Variants in SLIT3 observed in about 807,000 individuals in gnomAD.
SLIT3 encodes the protein slit guidance ligand 3, also known as slit homolog 3 protein.
SLIT3 carries 68 observed loss-of-function variants against 184.0 expected under a neutral mutation model. That is an observed-to-expected ratio of 0.37 (90% CI 0.30 to 0.45). The LOEUF is 0.45. Among genes scored for constraint, SLIT3 ranks in the 20% least tolerant of loss-of-function variants. SLIT3 has a pLI of 1.00. For synonymous variants in SLIT3, 831 were observed against 828.6 expected (o/e 1.00, Z -0.05); for missense variants, 1,707 against 2,026.0 (o/e 0.84, Z 3.02).
At chr5:168,932,914 G>T (rs1295763099) in intron 4 of SLIT3, among the ~76,000 whole-genome samples, 1 of 152,190 alleles carries the variant, frequency 6.6e-6, no homozygotes, top group African/African-American at 2.4e-5. Context: ...AGCTCAGTCA[G>T]TAGCCACTAT....
At chr5:169,189,010 A>C (rs1321743676) in intron 4 of SLIT3, among the ~76,000 whole-genome samples, 7 of 152,178 alleles carry the variant, frequency 4.6e-5, no homozygotes, top group Admixed American at 4.6e-4. Flanking sequence ...GGCAGGGGAC[A>C]AATATTTATT....
At chr5:169,093,168 T>A (rs988599468) in intron 4 of SLIT3, among the ~76,000 whole-genome samples, 2 of 152,216 alleles carry the variant, frequency 1.3e-5, no homozygotes, top group African/African-American at 4.8e-5. Flanking sequence ...CAGCCAGATC[T>A]GGTGAGGTAA....
intron 4 of SLIT3, among the ~76,000 whole-genome samples, chr5:169,039,553 G>A (rs560448163): frequency 5.3e-5 from 8 of 152,144 alleles, no homozygotes; most frequent in South Asian, 4.2e-4. Flanking sequence ...TCCTGACCTC[G>A]TGATCCACCT....
chr5:169,114,248 C>T (rs531009899), intron 4 of SLIT3, among the ~76,000 whole-genome samples: 25 of 152,288 alleles, frequency 1.6e-4, no homozygotes, highest in Non-Finnish European at 2.2e-4. Flanking sequence ...AAGAAGGTCC[C>T]GGATGCCACG....
intron 4 of SLIT3, among the ~76,000 whole-genome samples, chr5:169,078,375 C>G (rs1229088213): frequency 6.6e-6 from 1 of 152,086 alleles, no homozygotes; most frequent in East Asian, 1.9e-4. Flanking sequence ...GCTGCCTTCA[C>G]AAATATATTT....
chr5:169,064,512 G>A (rs1758282571), intron 4 of SLIT3, among the ~76,000 whole-genome samples: 1 of 152,162 alleles, frequency 6.6e-6, no homozygotes, highest in Non-Finnish European at 1.5e-5. Flanking sequence ...ACTGAGGCCA[G>A]GGATGTAAAA....
intron 14 of SLIT3, among the ~76,000 whole-genome samples, chr5:168,763,577 C>T (rs778556900): frequency 3.0e-4 from 46 of 152,120 alleles, no homozygotes; most frequent in Non-Finnish European, 6.5e-4. Context: ...GCAAATCTCC[C>T]GAAGTTGCAC....
intron 6 of SLIT3, among the ~76,000 whole-genome samples, chr5:168,842,938 C>T (rs62378539): frequency 0.014 from 2,169 of 152,242 alleles, 22 homozygotes; most frequent in South Asian, 0.023. Flanking sequence ...ATTTTGCAGG[C>T]AGGGAAAATC....
intron 1 of SLIT3, among the ~76,000 whole-genome samples, chr5:169,298,415 T>C (rs1767579986): frequency 6.6e-6 from 1 of 151,976 alleles, no homozygotes; most frequent in Non-Finnish European, 1.5e-5. Context: ...CTGGCATGGG[T>C]GCGGTTCCTG....
chr5:169,200,089 C>G (rs980491900), intron 3 of SLIT3, among the ~76,000 whole-genome samples: 34 of 152,312 alleles, frequency 2.2e-4, no homozygotes, highest in Non-Finnish European at 8.8e-5. Flanking sequence ...AGAGACTCAG[C>G]TTTCAGAGGT....
intron 4 of SLIT3, among the ~76,000 whole-genome samples, chr5:169,023,154 G>T (rs896419666): frequency 2.4e-4 from 36 of 152,162 alleles, no homozygotes; most frequent in African/African-American, 7.2e-4. Context: ...GTCTTTTTTA[G>T]GAATTGCATG....
intron 14 of SLIT3, among the ~76,000 whole-genome samples, chr5:168,769,682 G>C (rs1561922692): frequency 6.6e-6 from 1 of 152,130 alleles, no homozygotes; most frequent in Non-Finnish European, 1.5e-5. Context: ...TACAAGAGCA[G>C]GGGAAATCCA....
intron 20 of SLIT3, among the ~76,000 whole-genome samples, chr5:168,739,735 C>T (rs180730924): frequency 7.2e-5 from 11 of 152,278 alleles, no homozygotes; most frequent in Non-Finnish European, 1.0e-4. Context: ...CGTGAGCCAC[C>T]GCACCCGGCT....
At chr5:169,275,761 G>A (rs916319805) in intron 1 of SLIT3, among the ~76,000 whole-genome samples, 1 of 152,074 alleles carries the variant, frequency 6.6e-6, no homozygotes, top group Non-Finnish European at 1.5e-5. Context: ...CCTCCACCTG[G>A]GTCCCTTCCA....
chr5:169,273,399 T>C (rs4643976), intron 1 of SLIT3, among the ~76,000 whole-genome samples: 131,648 of 152,232 alleles, frequency 0.86, 57,203 homozygotes, highest in East Asian at 0.97. Flanking sequence ...TCTGCACACA[T>C]GTACATGTGT....
intron 1 of SLIT3, among the ~76,000 whole-genome samples, chr5:169,272,252 C>G (rs1016213737): frequency 6.6e-6 from 1 of 152,212 alleles, no homozygotes; most frequent in Non-Finnish European, 1.5e-5. Flanking sequence ...ACCCACAATC[C>G]CAGGTTAAGT....
intron 4 of SLIT3, among the ~76,000 whole-genome samples, chr5:168,895,978 T>C (rs1292456476): frequency 6.6e-6 from 1 of 152,180 alleles, no homozygotes; most frequent in Non-Finnish European, 1.5e-5. Flanking sequence ...ACTAGTCTCG[T>C]GCCAAATAGA....
intron 20 of SLIT3, among the ~76,000 whole-genome samples, chr5:168,726,399 G>C: frequency 1.8e-5 from 1 of 54,116 alleles, no homozygotes; most frequent in African/African-American, 7.1e-5. Flanking sequence ...GGAGGCAGAG[G>C]GAGGCAGGGA....
chr5:169,217,881 G>GA (rs1764498861), intron 3 of SLIT3, among the ~76,000 whole-genome samples: 1 of 152,202 alleles, frequency 6.6e-6, no homozygotes, highest in African/African-American at 2.4e-5. Context: ...AACAGAGATG[G>GA]AATGGCAGCT....
Sources: allele counts gnomAD v4.1 joint callset (sites outside exome capture counted in the v4.1 genomes callset), GRCh38; gene constraint gnomAD v4.1.1; transcripts MANE v1.5; gene names NCBI Gene and HGNC (gene_info 2026-07-23, HGNC 2026-07-21).